The following GRM7 variants were observed in gnomAD, a reference collection of about 807,000 sequenced individuals.
GRM7 encodes glutamate metabotropic receptor 7.
Under a neutral mutation model 84.5 loss-of-function variants are expected in GRM7, and 35 were observed. The observed-to-expected ratio is 0.41, with a 90% confidence interval of 0.32 to 0.55. The LOEUF (loss-of-function observed/expected upper bound fraction) is 0.55, where lower values mean the gene tolerates loss of function less well. GRM7 is among the 20% of genes least tolerant of loss of function. GRM7 has a pLI of 0.19. For synonymous variants in GRM7, 487 were observed against 455.1 expected (o/e 1.07, Z -0.89); for missense variants, 1,003 against 1,194.6 (o/e 0.84, Z 2.36).
At chr3:7,114,379 C>T (rs1692961100) in intron 1 of GRM7, among the ~76,000 whole-genome samples, 1 of 152,156 alleles carries the variant, frequency 6.6e-6, no homozygotes, top group South Asian at 2.1e-4. Context: ...ATACAGTCAA[C>T]TTTCTACTAA....
intron 8 of GRM7, among the ~76,000 whole-genome samples, chr3:7,609,989 C>T (rs1042407258): frequency 3.9e-5 from 6 of 152,116 alleles, no homozygotes; most frequent in African/African-American, 7.2e-5. Flanking sequence ...TCTTGGTTGA[C>T]GTGGTTTTAC....
At chr3:7,071,096 A>C (rs1332934672) in intron 1 of GRM7, among the ~76,000 whole-genome samples, 1 of 152,076 alleles carries the variant, frequency 6.6e-6, no homozygotes, top group African/African-American at 2.4e-5. Context: ...TGAGGTGAAC[A>C]AAACTCCTTT....
chr3:6,877,384 A>G (rs1695347614), intron 1 of GRM7, among the ~76,000 whole-genome samples: 1 of 152,180 alleles, frequency 6.6e-6, no homozygotes, highest in Non-Finnish European at 1.5e-5. Flanking sequence ...ATGATAAAAT[A>G]GCTTTGGATT....
At chr3:7,686,495 A>G (rs1700591112) in intron 9 of GRM7, 2 of 813,458 alleles carry the variant, frequency 2.5e-6, no homozygotes, top group East Asian at 4.9e-5. Context: ...TCTTGTCTCC[A>G]ATGAGAATTA....
At chr3:6,898,996 C>T (rs1194489777) in intron 1 of GRM7, among the ~76,000 whole-genome samples, 1 of 152,048 alleles carries the variant, frequency 6.6e-6, no homozygotes, top group Non-Finnish European at 1.5e-5. Flanking sequence ...CTTAAATGCT[C>T]TAGGTTTCCA....
intron 1 of GRM7, among the ~76,000 whole-genome samples, chr3:6,922,086 G>A (rs1420102715): frequency 1.3e-5 from 2 of 152,170 alleles, no homozygotes; most frequent in Non-Finnish European, 2.9e-5. Flanking sequence ...AGCATGTTCC[G>A]AGCACGCCTC....
At chr3:7,177,225 A>G (rs1439602836) in intron 2 of GRM7, among the ~76,000 whole-genome samples, 2 of 152,192 alleles carry the variant, frequency 1.3e-5, no homozygotes, top group Non-Finnish European at 2.9e-5. Flanking sequence ...TAAGGCTCTT[A>G]GAGGTTGAAA....
At chr3:7,733,157 T>C (rs1016463911) in intron 9 of GRM7, among the ~76,000 whole-genome samples, 6 of 152,190 alleles carry the variant, frequency 3.9e-5, no homozygotes, top group African/African-American at 1.4e-4. Flanking sequence ...TCCTCTCTCA[T>C]CCTGTGACTT....
intron 9 of GRM7, among the ~76,000 whole-genome samples, chr3:7,732,165 C>T (rs560477215): frequency 5.3e-5 from 8 of 152,262 alleles, no homozygotes; most frequent in African/African-American, 1.4e-4. Context: ...CCTGCCTCAG[C>T]CTCCCGTATT....
chr3:7,568,568 G>A (rs573685013), intron 7 of GRM7, among the ~76,000 whole-genome samples: 24 of 152,334 alleles, frequency 1.6e-4, no homozygotes, highest in African/African-American at 4.8e-4. Context: ...GGCCGGAGCC[G>A]GCTCCCTTAG....
chr3:7,670,435 A>G (rs116450716), intron 8 of GRM7, among the ~76,000 whole-genome samples: 146 of 152,332 alleles, frequency 9.6e-4, no homozygotes, highest in African/African-American at 3.3e-3. Context: ...TGGCTTTGAA[A>G]ACTGAGATAA....
At chr3:7,384,244 G>A (rs1694700267) in intron 4 of GRM7, among the ~76,000 whole-genome samples, 1 of 152,104 alleles carries the variant, frequency 6.6e-6, no homozygotes, top group Non-Finnish European at 1.5e-5. Flanking sequence ...AGCCAGGCTG[G>A]TCTCAAACTC....
At chr3:7,368,547 G>A (rs1694005007) in intron 4 of GRM7, among the ~76,000 whole-genome samples, 3 of 152,084 alleles carry the variant, frequency 2.0e-5, no homozygotes, top group African/African-American at 4.8e-5. Flanking sequence ...AGCATTCACT[G>A]TTGAAAATAG....
intron 7 of GRM7, chr3:7,535,298 A>G (rs1201756416): frequency 6.6e-6 from 1 of 152,226 alleles, no homozygotes; most frequent in East Asian, 1.9e-4. Context: ...AAAAAAAAGA[A>G]AAAAGAAAAA....
chr3:7,091,682 ATTTGGAGT>A (rs1698668925), intron 1 of GRM7, among the ~76,000 whole-genome samples: 1 of 149,982 alleles, frequency 6.7e-6, no homozygotes. Context: ...CAACAAATAT[ATTTGGAGT>A]AAAGTCTATA....
intron 4 of GRM7, among the ~76,000 whole-genome samples, chr3:7,407,165 TG>T (rs1695716727): frequency 6.6e-6 from 1 of 152,172 alleles, no homozygotes; most frequent in Non-Finnish European, 1.5e-5. Flanking sequence ...GGGTTCAAGT[TG>T]GCATTGCCAT....
At chr3:7,088,337 T>A (rs1479811668) in intron 1 of GRM7, among the ~76,000 whole-genome samples, 1 of 152,094 alleles carries the variant, frequency 6.6e-6, no homozygotes, top group African/African-American at 2.4e-5. Context: ...CAAATATGCC[T>A]TGAAGGAGGA....
chr3:7,475,337 G>A (rs1698877884), intron 7 of GRM7, among the ~76,000 whole-genome samples: 1 of 152,158 alleles, frequency 6.6e-6, no homozygotes, highest in Non-Finnish European at 1.5e-5. Context: ...ACACATTGAT[G>A]GGTATGCATT....
chr3:7,349,002 C>T (rs777155546), intron 4 of GRM7, among the ~76,000 whole-genome samples: 5 of 152,070 alleles, frequency 3.3e-5, no homozygotes, highest in Admixed American at 6.6e-5. Context: ...CTTCATGCAA[C>T]GGAGGGGTTA....
Sources: gnomAD v4.1 joint callset for allele counts (sites outside exome capture counted in the v4.1 genomes callset) on GRCh38, gnomAD v4.1.1 for gene constraint, MANE v1.5 for transcripts, NCBI Gene and HGNC (gene_info 2026-07-23, HGNC 2026-07-21) for gene names.